The following CBX5 variants were observed in gnomAD, a reference collection of about 807,000 sequenced individuals.
CBX5 encodes the protein chromobox protein homolog 5.
In CBX5, 7 loss-of-function variants were observed where a neutral mutation model predicts 20.7. The observed-to-expected ratio is 0.34, with a 90% CI of 0.19 to 0.63. CBX5 has a LOEUF of 0.63. Ranked by LOEUF, CBX5 falls within the 30% of genes least tolerant of loss-of-function variation. The pLI is 0.75. For synonymous variants in CBX5, 78 were observed against 77.0 expected (o/e 1.01, Z -0.07); for missense variants, 110 against 224.1 (o/e 0.49, Z 3.25).
At chr12:54,277,823 T>TA (rs1281457227) in intron 1 of CBX5, among the ~76,000 whole-genome samples, 2 of 152,130 alleles carry the variant, frequency 1.3e-5, no homozygotes, top group African/African-American at 2.4e-5. Context: ...GAAAAAATAA[T>TA]AAACTCTAGT....
At chr12:54,254,286 G>A (rs971873611) in intron 2 of CBX5, among the ~76,000 whole-genome samples, 2 of 132,818 alleles carry the variant, frequency 1.5e-5, no homozygotes, top group Non-Finnish European at 1.5e-5. Context: ...AGCTGAGTTC[G>A]AGCTATTGCA....
intron 3 of CBX5, among the ~76,000 whole-genome samples, chr12:54,246,864 C>G (rs1017741726): frequency 4.0e-5 from 6 of 151,730 alleles, no homozygotes; most frequent in African/African-American, 1.5e-4. Context: ...ATCCCACTCA[C>G]TTGGAATCTC....
chr12:54,250,512 A>C (rs1644487848), intron 3 of CBX5, among the ~76,000 whole-genome samples: 1 of 152,232 alleles, frequency 6.6e-6, no homozygotes, highest in African/African-American at 2.4e-5. Context: ...CTGGAACAAA[A>C]GAAAGGGCCG....
intron 3 of CBX5, among the ~76,000 whole-genome samples, chr12:54,250,223 C>T (rs901831403): frequency 1.3e-5 from 2 of 151,108 alleles, no homozygotes; most frequent in Non-Finnish European, 2.9e-5. Context: ...AACTCCGTCT[C>T]AAAAAAATAA....
intron 1 of CBX5, among the ~76,000 whole-genome samples, chr12:54,264,291 G>A (rs1388918956): frequency 3.9e-5 from 6 of 152,058 alleles, no homozygotes; most frequent in Non-Finnish European, 8.8e-5. Flanking sequence ...GAGCAGCTGG[G>A]ACCACAGGGG....
chr12:54,265,991 G>C (rs1166328898), intron 1 of CBX5, among the ~76,000 whole-genome samples: 1 of 151,834 alleles, frequency 6.6e-6, no homozygotes, highest in Non-Finnish European at 1.5e-5. Flanking sequence ...AGGTTGCAGT[G>C]AGCGGAGATG....
rs1173113278 is a variant in CBX5, at chr12:54,232,556, CAG to C, written c.*9197_*9198del. 2 of 152,176 alleles carry C rather than the reference CAG, an allele frequency of 1.3e-5. No homozygotes were observed. The highest frequency in any genetic ancestry group is 2.9e-5 in the Non-Finnish European group (2 of 68,054). The allele number at this position is 152,176 out of a possible 1,614,324, so 9.4% of individuals were successfully genotyped here. ...TCAATCAGTTGAGGAGGTGGGCACA[CAG>C]AGTCAGCATCCACTCGATTCTTGTT... is the stretch of plus-strand genomic sequence containing the variant. On this transcript the variant is annotated 3_prime_UTR_variant, in exon 5 of 5. Coordinates refer to ENST00000209875, the MANE Select transcript of CBX5 (RefSeq NM_012117.3).
In CBX5 at chr12:54,274,896, C is replaced by T. The variant is rs981353120; in HGVS notation, c.-43+5112G>A. Among the ~76,000 whole-genome samples the T allele has an allele frequency of 4.6e-5, 7 of 152,218 alleles. No homozygotes were observed. In the East Asian group the frequency reaches 5.8e-4, roughly 13 times the overall value. On this transcript the variant is annotated intron_variant, in intron 1 of 4. Transcript: ENST00000209875. ...CAGAGGTTGCAGTGAGCCGAGATCACGCCACTGCACTCTAGCCTGGGTGAC... is the reference window on the plus strand; with the variant it reads ...CAGAGGTTGCAGTGAGCCGAGATCATGCCACTGCACTCTAGCCTGGGTGAC...
chr12:54,244,173 T>G (rs1217037916), intron 4 of CBX5, among the ~76,000 whole-genome samples: 1 of 150,966 alleles, frequency 6.6e-6, no homozygotes, highest in African/African-American at 2.4e-5. Flanking sequence ...GGCTATTTTT[T>G]TTTTTTATTT....
At chr12:54,242,265 C>T (rs1943684165) in intron 4 of CBX5, among the ~76,000 whole-genome samples, 1 of 152,124 alleles carries the variant, frequency 6.6e-6, no homozygotes, top group South Asian at 2.1e-4. Context: ...GTGGCTCACA[C>T]CTGTAATCCC....
At chr12:54,246,002 G>T in intron 4 of CBX5, 113 bp downstream of exon 4, 2 of 762,810 alleles carry the variant, frequency 2.6e-6, no homozygotes, top group South Asian at 1.5e-5. Context: ...AAAGATCTCT[G>T]ACATTCAAAA....
Position 54,241,551 on chromosome 12 carries a change from G to A in CBX5, c.*204C>T. 1 of 545,742 alleles carries A rather than the reference G, an allele frequency of 1.8e-6. No individual in the cohort carries two copies. The highest frequency in any genetic ancestry group is 3.2e-5 in the East Asian group (1 of 31,504). The allele number at this position is 545,742 out of a possible 1,614,324, so 33.8% of individuals were successfully genotyped here. A position where few individuals can be genotyped will look rare whatever the true frequency, so the allele number is the denominator to read the frequency against. On this transcript the variant is annotated 3_prime_UTR_variant, in exon 5 of 5. Coordinates refer to ENST00000209875, the MANE Select transcript of CBX5 (RefSeq NM_012117.3). ...ATTACACTCAGTATGTAAATGCCTG[G>A]TCTTCACAGAGAGACACTTATCATT...
intron 1 of CBX5, chr12:54,263,073 A>G (rs1943926010): frequency 6.6e-6 from 1 of 152,470 alleles, no homozygotes; most frequent in Admixed American, 6.5e-5. Flanking sequence ...TTGAGATGAG[A>G]AAAGAGGCTG....
At chr12:54,252,833 A>C (rs759084434) in intron 2 of CBX5, among the ~76,000 whole-genome samples, 5 of 152,020 alleles carry the variant, frequency 3.3e-5, no homozygotes, top group Admixed American at 6.6e-5. Flanking sequence ...AAAATTACAA[A>C]AATTAGCTTG....
At chr12:54,275,452 A>G (rs1944054528) in intron 1 of CBX5, among the ~76,000 whole-genome samples, 1 of 151,982 alleles carries the variant, frequency 6.6e-6, no homozygotes, top group Non-Finnish European at 1.5e-5. Context: ...CGTGTTAGCC[A>G]GGATGGTCTC....
At position 54,242,979 on chromosome 12, in the gene CBX5, C is replaced by G. The variant is rs1202124416; in HGVS notation, c.426-1074G>C. 2.0e-5 allele frequency among the ~76,000 whole-genome samples: 3 copies of G among 151,824 alleles called. No individual in the cohort carries two copies. In the East Asian group the frequency reaches 5.8e-4, roughly 29 times the overall value. ...TCTCTACAAAAAATACAAAAATCAGCTAGGCATGGTGGTGCATGCTTGTGG... is the reference window on the plus strand; with the variant it reads ...TCTCTACAAAAAATACAAAAATCAGGTAGGCATGGTGGTGCATGCTTGTGG... On this transcript the variant is annotated intron_variant, in intron 4 of 4. Transcript: ENST00000209875.
At chr12:54,242,557 T>C (rs1339408957) in intron 4 of CBX5, among the ~76,000 whole-genome samples, 1 of 148,792 alleles carries the variant, frequency 6.7e-6, no homozygotes, top group Admixed American at 6.7e-5. Flanking sequence ...TACATTCAGC[T>C]CTATTGATTA....
At chr12:54,242,885 G>A (rs1401605734) in intron 4 of CBX5, among the ~76,000 whole-genome samples, 1 of 152,188 alleles carries the variant, frequency 6.6e-6, no homozygotes, top group African/African-American at 2.4e-5. Flanking sequence ...AGCACTTTGG[G>A]AGGCTGAGGC....
rs1270436558 is a variant in CBX5, at chr12:54,232,293, G to A, written c.*9462C>T. ...ATGAGGGGTGGGGGGCAGAAAATTT[G>A]CCGAGTCACTAAGTAGTTCCAGTCT... On this transcript the variant is annotated 3_prime_UTR_variant, in exon 5 of 5. Coordinates refer to ENST00000209875, the MANE Select transcript of CBX5 (RefSeq NM_012117.3). 1 of 152,332 alleles carries A rather than the reference G, an allele frequency of 6.6e-6. No homozygotes were observed. The highest frequency in any genetic ancestry group is 1.5e-5 in the Non-Finnish European group (1 of 68,190). The allele number at this position is 152,332 out of a possible 1,614,324, so 9.4% of individuals were successfully genotyped here.
Sources: gnomAD v4.1 joint callset for allele counts (sites outside exome capture counted in the v4.1 genomes callset) on GRCh38, gnomAD v4.1.1 for gene constraint, MANE v1.5 for transcripts, NCBI Gene and HGNC (gene_info 2026-07-23, HGNC 2026-07-21) for gene names.